Variants in ALG10B observed in about 807,000 individuals in gnomAD.
The protein encoded by ALG10B is ALG10 alpha-1,2-glucosyltransferase B.
In ALG10B, 27 loss-of-function variants were observed where a neutral mutation model predicts 38.7. That is an observed-to-expected ratio of 0.70 (90% CI 0.51 to 0.96). ALG10B has a LOEUF of 0.96. Among genes scored for constraint, ALG10B ranks in the 40% least tolerant of loss-of-function variants. The pLI is 0.00. For missense variants in ALG10B, 522 were observed against 542.7 expected, an observed-to-expected ratio of 0.96 and a Z score of 0.38; for synonymous variants, 177 against 193.3, an observed-to-expected ratio of 0.92 and a Z score of 0.70.
In ALG10B at chr12:38,328,373, C is replaced by T. The variant is rs1180785898; in HGVS notation, c.*7160C>T. On this transcript the variant is annotated 3_prime_UTR_variant, in exon 3 of 3. Transcript: ENST00000308742. ...ATTTTAGCGGTGATGTTTTGGAGCACTGGTAATATAGTGTTTAACTTATTT... is the reference window on the plus strand; with the variant it reads ...ATTTTAGCGGTGATGTTTTGGAGCATTGGTAATATAGTGTTTAACTTATTT... 2.6e-5 allele frequency: 4 copies of T among 152,104 alleles called. No homozygotes were observed. Among genetic ancestry groups the T allele is most frequent in the Admixed American group, 6.5e-5 (1 of 15,274 alleles). 9.4% of individuals were successfully genotyped at this position (152,104 alleles called of 1,614,324 possible).
In ALG10B at chr12:38,324,158, G is replaced by A. The variant is rs1318344262; in HGVS notation, c.*2945G>A. On this transcript the variant is annotated 3_prime_UTR_variant, in exon 3 of 3. Coordinates refer to ENST00000308742, the MANE Select transcript of ALG10B (RefSeq NM_001013620.4). The stretch of plus-strand genomic sequence containing the variant: ...AGCAGTTCTCCTGCCTCAGCCTCCC[G>A]AGTAGCTGAGATTATAGGCGCCCAC... The A allele has an allele frequency of 1.7e-5, 8 of 469,596 alleles. No homozygotes were observed. The highest frequency in any genetic ancestry group is 4.0e-5 in the African/African-American group (2 of 50,480). 29.1% of individuals were successfully genotyped at this position (469,596 alleles called of 1,614,324 possible).
In ALG10B at chr12:38,318,445, A is replaced by G. The variant is rs751702241; in HGVS notation, c.356A>G (p.Gln119Arg). 1.9e-6 allele frequency: 3 copies of G among 1,614,136 alleles called. No homozygotes were observed. The South Asian group carries it at 3.3e-5, about 18-fold the overall frequency. The part of the protein sequence containing the change: ...YLLYLLFHKV[Q>R]PRNKAASSIQ... ...CTATATTTGCTTTTCCACAAGGTACAACCCAGAAACAAGGTATGTTTCAAA... is the reference window on the plus strand; with the variant it reads ...CTATATTTGCTTTTCCACAAGGTACGACCCAGAAACAAGGTATGTTTCAAA... The change falls in exon 2 of 3, where the codon CAA (glutamine) becomes CGA (arginine). Residue 119 changes from glutamine (Q) to arginine (R), a missense_variant. Coordinates refer to ENST00000308742, the MANE Select transcript of ALG10B (RefSeq NM_001013620.4).
At position 38,329,509 on chromosome 12, in the gene ALG10B, A is replaced by AT. The variant is rs1444867640; in HGVS notation, c.*8301dup. 2 of 299,312 alleles carry AT rather than the reference A, an allele frequency of 6.7e-6. No homozygotes were observed. The highest frequency in any genetic ancestry group is 1.2e-5 in the Non-Finnish European group (2 of 165,098). The allele number at this position is 299,312 out of a possible 1,614,324, so 18.5% of individuals were successfully genotyped here. A position where few individuals can be genotyped will look rare whatever the true frequency, so the allele number is the denominator to read the frequency against. Reference sequence around the variant, plus strand: ...ATTCTCTGTGGAATCACAATCTCTTATTTTTAAGAATGTAGGAATATGTGT... The same window carrying AT: ...ATTCTCTGTGGAATCACAATCTCTTATTTTTTAAGAATGTAGGAATATGTGT... On this transcript the variant is annotated 3_prime_UTR_variant, in exon 3 of 3. Transcript: ENST00000308742.
intron 2 of ALG10B, among the ~76,000 whole-genome samples, chr12:38,319,505 G>A (rs906309329): frequency 5.3e-5 from 8 of 152,128 alleles, no homozygotes; most frequent in African/African-American, 9.7e-5. Flanking sequence ...GTCTGATTTA[G>A]TGATTTAGAT....
rs1410998199 is a variant in ALG10B, at chr12:38,328,321, T to C, written c.*7108T>C. 2 of 152,154 alleles carry C rather than the reference T, an allele frequency of 1.3e-5. No homozygotes were observed. The highest frequency in any genetic ancestry group is 6.5e-5 in the Admixed American group (1 of 15,278). 9.4% of individuals were successfully genotyped at this position (152,154 alleles called of 1,614,324 possible). On this transcript the variant is annotated 3_prime_UTR_variant, in exon 3 of 3. Coordinates refer to ENST00000308742, the MANE Select transcript of ALG10B (RefSeq NM_001013620.4). ...TATTACACCCTGTTTTAGAAAAACA[T>C]TTGAGTTATACAACTTACTAAAATG...
chr12:38,319,102 C>G (rs189336117), intron 2 of ALG10B, among the ~76,000 whole-genome samples: 104 of 152,258 alleles, frequency 6.8e-4, no homozygotes, highest in Non-Finnish European at 1.2e-3. Context: ...GAGATTATTT[C>G]AGTAGTGTCA....
In ALG10B at chr12:38,321,964, C is replaced by T. The variant is rs994483378; in HGVS notation, c.*751C>T. 2 of 152,152 alleles carry T rather than the reference C, an allele frequency of 1.3e-5. No homozygotes were observed. Among genetic ancestry groups the T allele is most frequent in the Non-Finnish European group, 2.9e-5 (2 of 68,022 alleles). 9.4% of individuals were successfully genotyped at this position (152,152 alleles called of 1,614,324 possible). Reference sequence around the variant, plus strand: ...TATGAAATACATATTGTATTAGCTTCCCAGGGCTGCCATAACAAATGACCA... The same window carrying T: ...TATGAAATACATATTGTATTAGCTTTCCAGGGCTGCCATAACAAATGACCA... On this transcript the variant is annotated 3_prime_UTR_variant, in exon 3 of 3. Transcript: ENST00000308742.
At position 38,318,424 on chromosome 12, in the gene ALG10B, A is replaced by G. The variant is rs142306686; in HGVS notation, c.335A>G (p.Tyr112Cys). 1.9e-3 allele frequency: 3,000 copies of G among 1,614,058 alleles called. 50 individuals are homozygous for G. The African/African-American group carries it at 0.035, about 19-fold the overall frequency. ...LFSVGNFYLLYLLFHKVQPRN... is the reference protein window; with the variant it reads ...LFSVGNFYLLCLLFHKVQPRN... ...AGTGTTGGCAACTTCTATTTACTAT[A>G]TTTGCTTTTCCACAAGGTACAACCC... The change falls in exon 2 of 3, where the codon TAT (tyrosine) becomes TGT (cysteine). Residue 112 changes from tyrosine (Y) to cysteine (C), a missense_variant. By Grantham distance (194) the Tyr-to-Cys change is radical (BLOSUM62 -2). Coordinates refer to ENST00000308742, the MANE Select transcript of ALG10B (RefSeq NM_001013620.4).
At position 38,327,157 on chromosome 12, in the gene ALG10B, A is replaced by C. The variant is rs1368722359; in HGVS notation, c.*5944A>C. On this transcript the variant is annotated 3_prime_UTR_variant, in exon 3 of 3. Coordinates refer to ENST00000308742, the MANE Select transcript of ALG10B (RefSeq NM_001013620.4). The stretch of plus-strand genomic sequence containing the variant: ...TTTGTAAGAATTGAGACAGGGTGTC[A>C]CTATGTTGTGTGGGCTGGTCTCAAA... The C allele has an allele frequency of 2.7e-5, 4 of 149,202 alleles. No homozygotes were observed. Among genetic ancestry groups the C allele is most frequent in the African/African-American group, 9.9e-5 (4 of 40,524 alleles). The allele number at this position is 149,202 out of a possible 1,614,324, so 9.2% of individuals were successfully genotyped here.
chr12:38,328,843 T>C lies in ALG10B; in HGVS notation c.*7630T>C, dbSNP rs1388067081. 5.2e-6 allele frequency: 1 copy of C among 191,040 alleles called. No homozygotes were observed. Among genetic ancestry groups the C allele is most frequent in the East Asian group, 1.3e-4 (1 of 7,970 alleles). The allele number at this position is 191,040 out of a possible 1,614,324, so 11.8% of individuals were successfully genotyped here. A position where few individuals can be genotyped will look rare whatever the true frequency, so the allele number is the denominator to read the frequency against. On this transcript the variant is annotated 3_prime_UTR_variant, in exon 3 of 3. Coordinates refer to ENST00000308742, the MANE Select transcript of ALG10B (RefSeq NM_001013620.4). ...CAAACAATGAGTGATGATATCTCAT[T>C]TGAAAACTCGTGTAACATTGTATCA... is the stretch of plus-strand genomic sequence containing the variant.
intron 2 of ALG10B, 68 bp from the exon 3 acceptor site, chr12:38,320,090 CTCT>C: frequency 6.4e-7 from 1 of 1,572,872 alleles, no homozygotes; most frequent in South Asian, 1.1e-5. Flanking sequence ...TTAAATAAAT[CTCT>C]TCATTAGGTA....
At position 38,327,281 on chromosome 12, in the gene ALG10B, A is replaced by G. The variant is rs540453963; in HGVS notation, c.*6068A>G. ...TTCCAACAAGAAAAATATTAAATGT[A>G]TTGGTTTTTCACAGTGAAACTTAAT... On this transcript the variant is annotated 3_prime_UTR_variant, in exon 3 of 3. Coordinates refer to ENST00000308742, the MANE Select transcript of ALG10B (RefSeq NM_001013620.4). The G allele has an allele frequency of 1.3e-5, 2 of 152,112 alleles. No homozygotes were observed. The highest frequency in any genetic ancestry group is 1.3e-4 in the Admixed American group (2 of 15,266). 9.4% of individuals were successfully genotyped at this position (152,112 alleles called of 1,614,324 possible).
rs1945739451 is a variant in ALG10B at position 38,325,818 on chromosome 12, A to T, written c.*4605A>T. On this transcript the variant is annotated 3_prime_UTR_variant, in exon 3 of 3. Transcript: ENST00000308742. Reference sequence around the variant, plus strand: ...GTCAGTGTCTGATTGGTATGTGTATAACCTTATTTTAAAAAGGATTCATTC... The same window carrying T: ...GTCAGTGTCTGATTGGTATGTGTATTACCTTATTTTAAAAAGGATTCATTC... 1 of 152,184 alleles carries T rather than the reference A, an allele frequency of 6.6e-6. No homozygotes were observed. The highest frequency in any genetic ancestry group is 2.4e-5 in the African/African-American group (1 of 41,436). The allele number at this position is 152,184 out of a possible 1,614,324, so 9.4% of individuals were successfully genotyped here.
intron 2 of ALG10B, 22 bp from the exon 3 acceptor site, chr12:38,320,139 C>G (rs1432180723): frequency 1.2e-5 from 20 of 1,613,004 alleles, no homozygotes; most frequent in Middle Eastern, 1.6e-4. Flanking sequence ...ATAATTGTAT[C>G]TGTGTTTTTT....
Position 38,324,017 on chromosome 12 carries a change from G to C in ALG10B, c.*2804G>C. The C allele has an allele frequency of 1.5e-6, 1 of 682,516 alleles. No individual in the cohort carries two copies. Among genetic ancestry groups the C allele is most frequent in the Non-Finnish European group, 2.6e-6 (1 of 378,886 alleles). 42.3% of individuals were successfully genotyped at this position (682,516 alleles called of 1,614,324 possible). The stretch of plus-strand genomic sequence containing the variant: ...AAGACTGCTCTTTGGAGGGATCACT[G>C]TTCTATATCTTTTTTTGTTTGTTTT... On this transcript the variant is annotated 3_prime_UTR_variant, in exon 3 of 3. Transcript: ENST00000308742.
intron 1 of ALG10B, 81 bp from the exon 2 acceptor site, chr12:38,318,180 A>G: frequency 1.3e-6 from 2 of 1,536,352 alleles, no homozygotes; most frequent in Non-Finnish European, 9.0e-7. Flanking sequence ...GTTGCTGGAG[A>G]TGAGACTTGG....
At position 38,324,268 on chromosome 12, in the gene ALG10B, A is replaced by G. The variant is rs1945725465; in HGVS notation, c.*3055A>G. On this transcript the variant is annotated 3_prime_UTR_variant, in exon 3 of 3. Coordinates refer to ENST00000308742, the MANE Select transcript of ALG10B (RefSeq NM_001013620.4). ...AGGCTGGTCTCGAACTCCTGACCTCAGGTAATCCACCTGCCTCGCCTCCCA... is the reference window on the plus strand; with the variant it reads ...AGGCTGGTCTCGAACTCCTGACCTCGGGTAATCCACCTGCCTCGCCTCCCA... The G allele has an allele frequency of 9.3e-6, 2 of 214,912 alleles. No individual in the cohort carries two copies. The highest frequency in any genetic ancestry group is 2.1e-4 in the South Asian group (2 of 9,452). 13.3% of individuals were successfully genotyped at this position (214,912 alleles called of 1,614,324 possible).
In ALG10B at chr12:38,325,384, G is replaced by A. The variant is rs1244142547; in HGVS notation, c.*4171G>A. The A allele has an allele frequency of 2.0e-5, 3 of 152,120 alleles. No individual in the cohort carries two copies. Among genetic ancestry groups the A allele is most frequent in the Non-Finnish European group, 2.9e-5 (2 of 68,004 alleles). The allele number at this position is 152,120 out of a possible 1,614,324, so 9.4% of individuals were successfully genotyped here. A position where few individuals can be genotyped will look rare whatever the true frequency, so the allele number is the denominator to read the frequency against. On this transcript the variant is annotated 3_prime_UTR_variant, in exon 3 of 3. Transcript: ENST00000308742. ...TCTAGTTTGAACTTAATTGCCACTTGGCTTGATATTATTTTCCTTAGAATT... is the reference window on the plus strand; with the variant it reads ...TCTAGTTTGAACTTAATTGCCACTTAGCTTGATATTATTTTCCTTAGAATT...
chr12:38,325,475 T>C lies in ALG10B; in HGVS notation c.*4262T>C, dbSNP rs1167637642. On this transcript the variant is annotated 3_prime_UTR_variant, in exon 3 of 3. Transcript: ENST00000308742. ...TTATACCACCTAAATAGTGGACTGT[T>C]ATTTTGGACTCACTTTTAAATAAAA... is the stretch of plus-strand genomic sequence containing the variant. The C allele has an allele frequency of 6.6e-6, 1 of 152,182 alleles. No homozygotes were observed. 9.4% of individuals were successfully genotyped at this position (152,182 alleles called of 1,614,324 possible).
Sources: gnomAD v4.1 joint callset for allele counts (sites outside exome capture counted in the v4.1 genomes callset) on GRCh38, gnomAD v4.1.1 for gene constraint, MANE v1.5 for transcripts, NCBI Gene and HGNC (gene_info 2026-07-23, HGNC 2026-07-21) for gene names.